Variants in DCAF5 observed in about 807,000 individuals in gnomAD.
DCAF5 encodes DDB1- and CUL4-associated factor 5.
Under a neutral mutation model 80.7 loss-of-function variants are expected in DCAF5, and 9 were observed. The observed-to-expected ratio is 0.11, with a 90% CI of 0.07 to 0.19. The LOEUF (loss-of-function observed/expected upper bound fraction) is 0.19, where lower values mean the gene tolerates loss of function less well. Among genes scored for constraint, DCAF5 ranks in the 10% least tolerant of loss-of-function variants. The probability of loss-of-function intolerance (pLI) is 1.00; values close to 1 mark genes in which losing one functional copy is unlikely to be tolerated. For missense variants in DCAF5, 842 were observed against 1,205.7 expected (o/e 0.70, Z 4.47); for synonymous variants, 433 against 461.9 (o/e 0.94, Z 0.80).
chr14:69,128,750 A>G (rs559384973), intron 1 of DCAF5, among the ~76,000 whole-genome samples: 22 of 152,294 alleles, frequency 1.4e-4, no homozygotes, highest in African/African-American at 5.1e-4. Context: ...CCTGGGTAAC[A>G]GAGCAAGACT....
intron 7 of DCAF5, among the ~76,000 whole-genome samples, chr14:69,062,989 CAAACA>C (rs990064974): frequency 4.6e-5 from 7 of 151,508 alleles, no homozygotes; most frequent in Admixed American, 1.3e-4. Context: ...ATGAAGACAG[CAAACA>C]AAACAAAACA....
At chr14:69,078,028 T>G (rs1304565471) in intron 6 of DCAF5, among the ~76,000 whole-genome samples, 1 of 152,168 alleles carries the variant, frequency 6.6e-6, no homozygotes, top group Non-Finnish European at 1.5e-5. Flanking sequence ...TGTGAAGGAA[T>G]GTTGGAGGCT....
At chr14:69,062,752 G>A (rs1019192603) in intron 7 of DCAF5, among the ~76,000 whole-genome samples, 1 of 152,090 alleles carries the variant, frequency 6.6e-6, no homozygotes, top group Non-Finnish European at 1.5e-5. Context: ...CTCACCCACT[G>A]CAATTCCATT....
intron 5 of DCAF5, among the ~76,000 whole-genome samples, chr14:69,099,636 A>G (rs567807452): frequency 5.3e-5 from 8 of 152,232 alleles, no homozygotes; most frequent in Non-Finnish European, 8.8e-5. Context: ...TCTTAATTAT[A>G]TCTTAGACTT....
intron 7 of DCAF5, among the ~76,000 whole-genome samples, chr14:69,073,970 C>G (rs1268835755): frequency 6.6e-6 from 1 of 152,194 alleles, no homozygotes; most frequent in Non-Finnish European, 1.5e-5. Context: ...TACTGCTGTT[C>G]CATTTGCTTG....
chr14:69,146,847 G>A (rs1398772898), intron 1 of DCAF5, among the ~76,000 whole-genome samples: 2 of 152,180 alleles, frequency 1.3e-5, no homozygotes, highest in Non-Finnish European at 2.9e-5. Flanking sequence ...TTTGAAAACT[G>A]ATTCCTCAAT....
intron 6 of DCAF5, among the ~76,000 whole-genome samples, chr14:69,088,371 C>T (rs1461805861): frequency 1.3e-5 from 2 of 152,176 alleles, no homozygotes; most frequent in African/African-American, 2.4e-5. Flanking sequence ...TCTCTAATAG[C>T]TCTATAATTA....
intron 5 of DCAF5, among the ~76,000 whole-genome samples, chr14:69,098,034 G>A (rs368690063): frequency 5.9e-5 from 9 of 152,048 alleles, no homozygotes; most frequent in Admixed American, 4.6e-4. Context: ...ACCCTCCAGC[G>A]GCTCCCCATT....
chr14:69,122,946 T>C (rs575327792), intron 1 of DCAF5, among the ~76,000 whole-genome samples: 8 of 152,348 alleles, frequency 5.3e-5, no homozygotes, highest in Non-Finnish European at 7.3e-5. Flanking sequence ...TTGGTTGTTA[T>C]TGTTTTTTCC....
At position 69,104,455 on chromosome 14, in the gene DCAF5, G is replaced by C. The variant is rs11847564; in HGVS notation, c.665+11911C>G. ...ATTCATGGGAAAAACCTGAGTCAGA[G>C]GAATATGCTAAATTACAGTAGAAGA... On this transcript the variant is annotated intron_variant, in intron 5 of 8. Coordinates refer to ENST00000341516, the MANE Select transcript of DCAF5 (RefSeq NM_003861.3). Among the ~76,000 whole-genome samples, 1,324 of 152,220 alleles carry C rather than the reference G, an allele frequency of 8.7e-3. 20 individuals are homozygous for C. The highest frequency in any genetic ancestry group is 0.03 in the African/African-American group (1,264 of 41,522).
intron 8 of DCAF5, among the ~76,000 whole-genome samples, chr14:69,058,504 A>G (rs964296329): frequency 1.6e-4 from 24 of 151,288 alleles, no homozygotes; most frequent in Non-Finnish European, 7.4e-5. Flanking sequence ...GGGTGACAAG[A>G]GCGAAATCCT....
chr14:69,094,741 G>T (rs972456805), intron 5 of DCAF5, among the ~76,000 whole-genome samples: 5 of 152,170 alleles, frequency 3.3e-5, no homozygotes, highest in Admixed American at 2.0e-4. Context: ...TGATGTCAAA[G>T]ATTCTGGCTT....
intron 1 of DCAF5, among the ~76,000 whole-genome samples, chr14:69,136,602 T>C (rs1245390041): frequency 2.0e-5 from 3 of 152,230 alleles, no homozygotes; most frequent in Non-Finnish European, 4.4e-5. Flanking sequence ...TGAAAACTAA[T>C]ATTTTTTCAG....
At chr14:69,075,973 G>A (rs1402138217) in intron 6 of DCAF5, among the ~76,000 whole-genome samples, 1 of 152,098 alleles carries the variant, frequency 6.6e-6, no homozygotes, top group Non-Finnish European at 1.5e-5. Flanking sequence ...ATTCAAAAAA[G>A]GGGCAAATTA....
chr14:69,126,935 A>G (rs2040895613), intron 1 of DCAF5, among the ~76,000 whole-genome samples: 1 of 152,204 alleles, frequency 6.6e-6, no homozygotes, highest in South Asian at 2.1e-4. Context: ...TAAATGTAAA[A>G]CCAAAACTAT....
rs1373362552 is a variant in DCAF5, at chr14:69,054,796, G to A, written c.1890C>T (p.Thr630=). 1.1e-5 allele frequency: 18 copies of A among 1,614,144 alleles called. No homozygotes were observed. Among genetic ancestry groups the A allele is most frequent in the Non-Finnish European group, 1.4e-5 (17 of 1,180,054 alleles). The change falls in exon 9 of 9, where the codon ACC becomes ACT. Residue 630 remains threonine, a synonymous_variant. Transcript: ENST00000341516. ...TGGAAGTGCTCCGCTCAGGGGACGA[G>A]GTTGGGGAGGAGGAGAGGTCATCCA... ...IKVDDLSSSP[T]SSPERSTSTL...
intron 1 of DCAF5, among the ~76,000 whole-genome samples, chr14:69,139,344 C>G (rs1452816125): frequency 1.3e-5 from 2 of 150,954 alleles, no homozygotes; most frequent in African/African-American, 4.9e-5. Flanking sequence ...ATTAGCTGGA[C>G]GTGGTGATGC....
intron 6 of DCAF5, among the ~76,000 whole-genome samples, chr14:69,086,852 C>T (rs1370494601): frequency 6.6e-6 from 1 of 152,104 alleles, no homozygotes; most frequent in Non-Finnish European, 1.5e-5. Flanking sequence ...TTTATGATCA[C>T]GATTTTTGGG....
chr14:69,071,657 CTTATCTTTGGCCCATGATTAT>C (rs999432815), intron 7 of DCAF5, among the ~76,000 whole-genome samples: 71 of 152,230 alleles, frequency 4.7e-4, no homozygotes, highest in African/African-American at 1.7e-3. Context: ...TGTGTACGCA[CTTATCTTTGGCCCATGATTAT>C]TTAAGTCAAA....
Sources: allele counts gnomAD v4.1 joint callset (sites outside exome capture counted in the v4.1 genomes callset), GRCh38; gene constraint gnomAD v4.1.1; transcripts MANE v1.5; gene names NCBI Gene and HGNC (gene_info 2026-07-23, HGNC 2026-07-21).